UBAP2: variants seen among roughly 807,000 people sequenced by gnomAD.
UBAP2 encodes the protein ubiquitin associated protein 2, also known as ubiquitin-associated protein 2.
Under a neutral mutation model 139.6 loss-of-function variants are expected in UBAP2, and 75 were observed. The observed-to-expected ratio is 0.54, with a 90% CI of 0.45 to 0.65. The LOEUF (loss-of-function observed/expected upper bound fraction) is 0.65. Ranked by LOEUF, UBAP2 falls within the 30% of genes least tolerant of loss-of-function variation. The probability of loss-of-function intolerance (pLI) is 0.00; values close to 1 mark genes in which losing one functional copy is unlikely to be tolerated. For missense variants in UBAP2, 1,368 were observed against 1,369.6 expected, an observed-to-expected ratio of 1.00 and a Z score of 0.02; for synonymous variants, 526 against 526.2, an observed-to-expected ratio of 1.00 and a Z score of 0.01.
chr9:33,922,611 G>C lies in UBAP2; in HGVS notation c.3265-12C>G. ...TGACCCGAGCCACTCTGAGGAAGAG[G>C]AGAAGGGAAGGCTGTCAAGGCTGGA... is the stretch of plus-strand genomic sequence containing the variant. On this transcript the variant is annotated splice_polypyrimidine_tract_variant and intron_variant, in intron 28 of 28. Transcript: ENST00000379238. 6.2e-7 allele frequency: 1 copy of C among 1,611,630 alleles called. No individual in the cohort carries two copies. Among genetic ancestry groups the C allele is most frequent in the South Asian group, 1.1e-5 (1 of 90,780 alleles).
In UBAP2 at chr9:34,039,014, G is replaced by A. The variant is rs568932026; in HGVS notation, c.-42+9811C>T. ...AGGAGCGTCTCTGCCCGGCCGACCC[G>A]TCTGAGAAGTGAGGAGCCCCTCCGC... On this transcript the variant is annotated intron_variant, in intron 1 of 28. Transcript: ENST00000379238. 3.4e-4 allele frequency among the ~76,000 whole-genome samples: 48 copies of A among 142,492 alleles called. 2 individuals carry two copies. The East Asian group carries it at 0.011, about 31-fold the overall frequency. The allele number at this position is 142,492 out of a possible 152,430, so 93.5% of individuals were successfully genotyped here.
intron 1 of UBAP2, among the ~76,000 whole-genome samples, chr9:34,027,785 T>C (rs1487677345): frequency 1.3e-5 from 2 of 149,332 alleles, no homozygotes; most frequent in African/African-American, 4.9e-5. Flanking sequence ...GGTGTGAACC[T>C]GGGAGGCAAG....
intron 6 of UBAP2, among the ~76,000 whole-genome samples, chr9:33,980,720 T>C (rs559731950): frequency 1.3e-5 from 2 of 151,910 alleles, no homozygotes; most frequent in South Asian, 2.1e-4. Flanking sequence ...CTTTGGGAGT[T>C]TGAGGTGGGC....
rs377549866 is a variant in UBAP2, at chr9:33,923,779, C to T, written c.2796+16G>A. On this transcript the variant is annotated intron_variant, in intron 24 of 28. Coordinates refer to ENST00000379238, the MANE Select transcript of UBAP2 (RefSeq NM_001370062.2). ...CCAAGGCCAGGAGACACAGTCACAC[C>T]CTCTGAAATACTCACAAACATGGTG... 1.7e-5 allele frequency: 28 copies of T among 1,613,146 alleles called. No homozygotes were observed. The highest frequency in any genetic ancestry group is 3.3e-5 in the Admixed American group (2 of 59,974).
rs1826108960 is a variant in UBAP2 at position 33,951,531 on chromosome 9, G to C, written c.1056+1754C>G. Among the ~76,000 whole-genome samples, 3 of 151,722 alleles carry C rather than the reference G, an allele frequency of 2.0e-5. No individual in the cohort carries two copies. The South Asian group carries it at 6.3e-4, about 32-fold the overall frequency. On this transcript the variant is annotated intron_variant, in intron 12 of 28. Transcript: ENST00000379238. ...CTGGCTAATTTTTGTATTTTTAGTA[G>C]AGATGGGGTTTTACCACATTGGCCA...
At chr9:33,969,091 T>C (rs1344861441) in intron 8 of UBAP2, among the ~76,000 whole-genome samples, 1 of 116,698 alleles carries the variant, frequency 8.6e-6, no homozygotes, top group Non-Finnish European at 1.8e-5. Flanking sequence ...ACATTTGAGG[T>C]TTTTTCCCCC....
At chr9:34,001,470 A>C (rs1306150643) in intron 2 of UBAP2, among the ~76,000 whole-genome samples, 1 of 152,232 alleles carries the variant, frequency 6.6e-6, no homozygotes, top group Non-Finnish European at 1.5e-5. Flanking sequence ...ACTTAGAGTC[A>C]CAAGAGTTCA....
intron 2 of UBAP2, among the ~76,000 whole-genome samples, chr9:34,008,265 C>T (rs1823410986): frequency 6.7e-6 from 1 of 149,596 alleles, no homozygotes; most frequent in South Asian, 2.1e-4. Context: ...TTGCGGTGAG[C>T]TAAGATCGCG....
rs117221323 is a variant in UBAP2 at position 33,999,796 on chromosome 9, G to A, written c.100-932C>T. ...CCGTGATCTTGACTGTGCAACCTCC[G>A]CCTCCCAGGCTTAACCAATGCTCCT... On this transcript the variant is annotated intron_variant, in intron 2 of 28. Coordinates refer to ENST00000379238, the MANE Select transcript of UBAP2 (RefSeq NM_001370062.2). Among the ~76,000 whole-genome samples, 368 of 152,002 alleles carry A rather than the reference G, an allele frequency of 2.4e-3. 2 individuals carry two copies. Among genetic ancestry groups the A allele is most frequent in the East Asian group, 0.022 (111 of 5,158 alleles).
chr9:33,999,307 T>A (rs968582042), intron 2 of UBAP2, among the ~76,000 whole-genome samples: 9 of 151,716 alleles, frequency 5.9e-5, no homozygotes, highest in African/African-American at 2.2e-4. Flanking sequence ...CTGTCTCTAT[T>A]TAATTTTTAA....
chr9:34,044,415 A>G (rs906140001), intron 1 of UBAP2, among the ~76,000 whole-genome samples: 2 of 151,622 alleles, frequency 1.3e-5, no homozygotes, highest in Non-Finnish European at 2.9e-5. Flanking sequence ...AAAAAAAAAA[A>G]TTAGCTGGGC....
intron 1 of UBAP2, among the ~76,000 whole-genome samples, chr9:34,029,062 G>A (rs533914712): frequency 6.6e-6 from 1 of 152,220 alleles, no homozygotes; most frequent in South Asian, 2.1e-4. Flanking sequence ...GCTGCAGTGT[G>A]CTATGATCAT....
At chr9:33,945,603 G>A (rs965569261) in intron 13 of UBAP2, among the ~76,000 whole-genome samples, 3 of 152,144 alleles carry the variant, frequency 2.0e-5, no homozygotes, top group African/African-American at 4.8e-5. Context: ...GGCAAACACT[G>A]TACCCGGTTT....
intron 13 of UBAP2, among the ~76,000 whole-genome samples, chr9:33,946,622 T>C (rs1240285424): frequency 6.6e-6 from 1 of 152,202 alleles, no homozygotes; most frequent in African/African-American, 2.4e-5. Flanking sequence ...CTCGAACTCC[T>C]GCTCAAGCAA....
intron 8 of UBAP2, chr9:33,968,271 T>C: frequency 1.6e-6 from 1 of 618,618 alleles, no homozygotes. Context: ...CCTTCCATAA[T>C]ATACTGTCCA....
At chr9:33,969,879 CA>C (rs202190453) in intron 8 of UBAP2, among the ~76,000 whole-genome samples, 2 of 145,276 alleles carry the variant, frequency 1.4e-5, no homozygotes, top group East Asian at 4.1e-4. Context: ...CCCCCACCCC[CA>C]AAAAAAACCA....
intron 1 of UBAP2, among the ~76,000 whole-genome samples, chr9:34,038,418 G>A (rs895203292): frequency 1.6e-4 from 25 of 152,194 alleles, no homozygotes; most frequent in Admixed American, 6.6e-5. Context: ...AAGTGCCTGC[G>A]ATTGCAGGCG....
At chr9:34,001,975 A>C (rs1290183097) in intron 2 of UBAP2, among the ~76,000 whole-genome samples, 1 of 151,906 alleles carries the variant, frequency 6.6e-6, no homozygotes, top group African/African-American at 2.4e-5. Context: ...TAAAAAAAAA[A>C]AACAAAAAAA....
chr9:33,955,016 C>T (rs1422093632), intron 11 of UBAP2, among the ~76,000 whole-genome samples: 1 of 152,138 alleles, frequency 6.6e-6, no homozygotes, highest in Non-Finnish European at 1.5e-5. Context: ...TTTCAGTGTA[C>T]ATTCTAAGAA....
Sources: allele counts gnomAD v4.1 joint callset (sites outside exome capture counted in the v4.1 genomes callset), GRCh38; gene constraint gnomAD v4.1.1; transcripts MANE v1.5; gene names NCBI Gene and HGNC (gene_info 2026-07-23, HGNC 2026-07-21).